The following DNAI7 variants were observed in gnomAD, a reference collection of about 807,000 sequenced individuals.
DNAI7 encodes cancer susceptibility 1.
In DNAI7, 78 loss-of-function variants were observed where a neutral mutation model predicts 86.6. The observed-to-expected ratio is 0.90, with a 90% confidence interval of 0.75 to 1.09. DNAI7 has a LOEUF of 1.09. DNAI7 is among the 50% of genes least tolerant of loss of function. DNAI7 has a pLI of 0.00. For missense variants in DNAI7, 753 were observed against 810.2 expected (o/e 0.93, Z 0.86); for synonymous variants, 274 against 273.0 (o/e 1.00, Z -0.04).
At chr12:25,180,952 G>A (rs1478513362) in intron 2 of DNAI7, among the ~76,000 whole-genome samples, 5 of 151,948 alleles carry the variant, frequency 3.3e-5, no homozygotes, top group Non-Finnish European at 7.4e-5. Context: ...GATTACAGGC[G>A]CCTGCCACCA....
At chr12:25,114,356 A>G (rs969346976) in intron 13 of DNAI7, among the ~76,000 whole-genome samples, 23 of 152,220 alleles carry the variant, frequency 1.5e-4, no homozygotes, top group Non-Finnish European at 2.9e-4. Flanking sequence ...AGGGTGGATC[A>G]AAAACTCTGA....
chr12:25,123,071 T>A, intron 10 of DNAI7, 140 bp downstream of exon 10: 1 of 594,078 alleles, frequency 1.7e-6, no homozygotes, highest in Non-Finnish European at 2.9e-6. Context: ...AACACTGGTA[T>A]CTCAGAAAAG....
At chr12:25,155,853 T>C (rs1946095479) in intron 4 of DNAI7, among the ~76,000 whole-genome samples, 1 of 152,204 alleles carries the variant, frequency 6.6e-6, no homozygotes, top group Non-Finnish European at 1.5e-5. Flanking sequence ...CTCACGCCTG[T>C]AATCCCAGCA....
At chr12:25,146,789 T>A (rs1023682406) in intron 8 of DNAI7, among the ~76,000 whole-genome samples, 1 of 152,184 alleles carries the variant, frequency 6.6e-6, no homozygotes, top group South Asian at 2.1e-4. Flanking sequence ...AGTGACACAA[T>A]CATCATTTTA....
intron 9 of DNAI7, among the ~76,000 whole-genome samples, chr12:25,131,518 C>T (rs1262333295): frequency 6.6e-6 from 1 of 152,138 alleles, no homozygotes; most frequent in Non-Finnish European, 1.5e-5. Context: ...AAGAGTCTTC[C>T]TATTACCACA....
chr12:25,154,234 G>T, intron 6 of DNAI7, 85 bp downstream of exon 6: 2 of 1,097,360 alleles, frequency 1.8e-6, no homozygotes, highest in Middle Eastern at 2.5e-4. Flanking sequence ...GTTATTACTT[G>T]GCAAATGATA....
At chr12:25,158,700 T>G (rs1248448904) in intron 3 of DNAI7, 137 bp from the exon 4 acceptor site, 8 of 1,490,666 alleles carry the variant, frequency 5.4e-6, no homozygotes, top group Non-Finnish European at 7.1e-6. Flanking sequence ...ATGGTAGATA[T>G]GAGAAAAGTG....
chr12:25,157,325 A>G (rs950148214), intron 4 of DNAI7, among the ~76,000 whole-genome samples: 1 of 151,124 alleles, frequency 6.6e-6, no homozygotes, highest in African/African-American at 2.4e-5. Flanking sequence ...AAAGAAGAAT[A>G]TCCACAATTA....
Position 25,158,556 on chromosome 12 carries a change from G to C in DNAI7, c.114C>G (p.Ala38=). 1 of 1,611,016 alleles carries C rather than the reference G, an allele frequency of 6.2e-7. No homozygotes were observed. Residue 38 remains alanine (A), a synonymous_variant, in exon 4 of 16, where the codon GCC becomes GCG. Transcript: ENST00000395987. Reference sequence around the variant, plus strand: ...TTTCTTCTTTCTCATATTTCAAACGGGCTTCCTCTAAAGAACCAAAAATAA... The same window carrying C: ...TTTCTTCTTTCTCATATTTCAAACGCGCTTCCTCTAAAGAACCAAAAATAA... ...EERRLKEEEE[A]RLKYEKEEME... is the part of the protein sequence containing the mutation.
Position 25,114,804 on chromosome 12 carries a change from A to G in DNAI7, c.1463T>C (p.Phe488Ser), listed in dbSNP as rs1489381319. Residue 488 changes from phenylalanine to serine, a missense_variant, in exon 13 of 16, where the codon TTC becomes TCC. Coordinates refer to ENST00000395987, the MANE Select transcript of DNAI7 (RefSeq NM_018272.5). ...AACAGGGCCAAAGGTGTCCAGGCTG[A>G]ATGTTACAAGTCTTTCTTTTGGTTT... ...SYKPKERLVT[F>S]SLDTFGPVTL... 5 of 1,614,114 alleles carry G rather than the reference A, an allele frequency of 3.1e-6. No individual in the cohort carries two copies. Among genetic ancestry groups the G allele is most frequent in the Non-Finnish European group, 4.2e-6 (5 of 1,179,978 alleles).
chr12:25,194,914 C>T, intron 1 of DNAI7, 162 bp downstream of exon 1: 2 of 1,614,140 alleles, frequency 1.2e-6, no homozygotes, highest in Non-Finnish European at 1.7e-6. Flanking sequence ...TAAGGAAAGC[C>T]ATTGCTGAGA....
intron 9 of DNAI7, among the ~76,000 whole-genome samples, chr12:25,143,318 G>A (rs963294090): frequency 1.4e-5 from 2 of 147,368 alleles, no homozygotes; most frequent in Non-Finnish European, 3.0e-5. Context: ...GCATGATCTC[G>A]GCTCACTGCA....
intron 8 of DNAI7, among the ~76,000 whole-genome samples, chr12:25,146,222 C>CAA (rs565902390): frequency 2.7e-4 from 33 of 120,112 alleles, no homozygotes; most frequent in African/African-American, 8.2e-4. Flanking sequence ...AACTCTGTCT[C>CAA]AAAAAAAAAA....
chr12:25,169,510 G>A (rs1947889130), intron 2 of DNAI7, among the ~76,000 whole-genome samples: 1 of 152,180 alleles, frequency 6.6e-6, no homozygotes, highest in Admixed American at 6.5e-5. Context: ...ACACGGACGA[G>A]AGTGAAACTA....
intron 2 of DNAI7, among the ~76,000 whole-genome samples, chr12:25,187,478 C>T (rs990866570): frequency 1.3e-5 from 2 of 152,248 alleles, no homozygotes; most frequent in Middle Eastern, 3.4e-3. Flanking sequence ...ACTTCCCACC[C>T]TCAAGTTGAA....
At chr12:25,123,893 A>G (rs1941691000) in intron 9 of DNAI7, among the ~76,000 whole-genome samples, 3 of 152,212 alleles carry the variant, frequency 2.0e-5, no homozygotes, top group African/African-American at 7.2e-5. Context: ...CATATAACAC[A>G]TCTTGCAAAC....
At chr12:25,168,901 A>T (rs1947804018) in intron 2 of DNAI7, among the ~76,000 whole-genome samples, 1 of 152,014 alleles carries the variant, frequency 6.6e-6, no homozygotes, top group East Asian at 1.9e-4. Flanking sequence ...TCTTCTAACA[A>T]CCCCACAATA....
intron 4 of DNAI7, among the ~76,000 whole-genome samples, chr12:25,157,246 C>G (rs1946288138): frequency 6.9e-6 from 1 of 144,726 alleles, no homozygotes; most frequent in Non-Finnish European, 1.5e-5. Context: ...CCACTGCACT[C>G]CAGCCTGGGC....
At chr12:25,161,969 A>G (rs1363805021) in intron 2 of DNAI7, among the ~76,000 whole-genome samples, 1 of 152,220 alleles carries the variant, frequency 6.6e-6, no homozygotes, top group African/African-American at 2.4e-5. Context: ...TTAACCTGGT[A>G]TCGGAGAAAA....
Sources: allele counts gnomAD v4.1 joint callset (sites outside exome capture counted in the v4.1 genomes callset), GRCh38; gene constraint gnomAD v4.1.1; transcripts MANE v1.5; gene names NCBI Gene and HGNC (gene_info 2026-07-23, HGNC 2026-07-21).